The following PTPRZ1 variants were observed in gnomAD, a reference collection of about 807,000 sequenced individuals.
The protein encoded by PTPRZ1 is receptor-type tyrosine-protein phosphatase zeta.
Under a neutral mutation model 214.1 loss-of-function variants are expected in PTPRZ1, and 82 were observed. The observed-to-expected ratio is 0.38, with a 90% CI of 0.32 to 0.46. The LOEUF (loss-of-function observed/expected upper bound fraction) is 0.46. Among genes scored for constraint, PTPRZ1 ranks in the 20% least tolerant of loss-of-function variants. PTPRZ1 has a pLI of 1.00. For missense variants in PTPRZ1, 2,603 were observed against 2,748.7 expected (o/e 0.95, Z 1.19); for synonymous variants, 945 against 987.9 (o/e 0.96, Z 0.81).
Position 122,028,663 on chromosome 7 carries a change from C to T in PTPRZ1, c.5080+20C>T. On this transcript the variant is annotated intron_variant, in intron 14 of 29. Transcript: ENST00000393386. ...TTTCAGGTAATGGCTTAAAGTGTGA[C>T]CATGAGTAGCTGGTAGATGTTGAAC... The T allele has an allele frequency of 1.3e-6, 2 of 1,484,500 alleles. No homozygotes were observed. Among genetic ancestry groups the T allele is most frequent in the Non-Finnish European group, 1.9e-6 (2 of 1,064,054 alleles). 92.0% of individuals were successfully genotyped at this position (1,484,500 alleles called of 1,614,324 possible).
intron 1 of PTPRZ1, among the ~76,000 whole-genome samples, chr7:121,890,390 T>A (rs1794553051): frequency 6.6e-6 from 1 of 152,158 alleles, no homozygotes; most frequent in Non-Finnish European, 1.5e-5. Context: ...AATGTCAGTA[T>A]TGCTCCTGGG....
At position 122,012,239 on chromosome 7, in the gene PTPRZ1, C is replaced by G; in HGVS notation, c.3193C>G (p.Pro1065Ala). 1 of 1,613,940 alleles carries G rather than the reference C, an allele frequency of 6.2e-7. No individual in the cohort carries two copies. Among genetic ancestry groups the G allele is most frequent in the South Asian group, 1.1e-5 (1 of 91,080 alleles). ...QIPSFNEMVY[P>A]SESTVMPNMY... ...TCCTTCTTTCAATGAGATGGTTTAC[C>G]CTTCTGAAAGCACAGTCATGCCCAA... The change falls in exon 12 of 30, where the codon CCT (proline) becomes GCT (alanine). Residue 1065 changes from proline (P) to alanine (A), a missense_variant. Pro to Ala is a conservative substitution (Grantham distance 27). This residue lies in a region of PTPRZ1 where 1,913 missense variants were observed against 1,914.3 expected (regional missense o/e 1.00). Transcript: ENST00000393386.
At chr7:121,962,449 A>AAATAATAATAATAAT (rs144574732) in intron 2 of PTPRZ1, among the ~76,000 whole-genome samples, 41 of 148,466 alleles carry the variant, frequency 2.8e-4, no homozygotes, top group African/African-American at 9.3e-4. Flanking sequence ...CTCTGTCTCA[A>AAATAATAATAATAAT]AATAATAATA....
intron 1 of PTPRZ1, among the ~76,000 whole-genome samples, chr7:121,906,624 TAAG>T (rs1047798450): frequency 2.0e-4 from 30 of 152,116 alleles, no homozygotes; most frequent in Non-Finnish European, 4.4e-5. Flanking sequence ...TTTCCAAAAA[TAAG>T]ATTTGTTTGA....
chr7:121,885,609 T>C (rs919424303), intron 1 of PTPRZ1, among the ~76,000 whole-genome samples: 1 of 152,182 alleles, frequency 6.6e-6, no homozygotes, highest in African/African-American at 2.4e-5. Context: ...TATTCAGTAT[T>C]CTTGGCATAA....
intron 1 of PTPRZ1, among the ~76,000 whole-genome samples, chr7:121,920,825 G>C (rs1795576137): frequency 6.6e-6 from 1 of 152,088 alleles, no homozygotes; most frequent in Non-Finnish European, 1.5e-5. Context: ...AAAAAGTAGA[G>C]AATGCTTTAA....
At chr7:122,006,692 T>G (rs1798496094) in intron 11 of PTPRZ1, among the ~76,000 whole-genome samples, 1 of 151,806 alleles carries the variant, frequency 6.6e-6, no homozygotes, top group Non-Finnish European at 1.5e-5. Context: ...GCTGGCTTGT[T>G]GTAGTCAGAG....
At chr7:121,981,538 T>C (rs1238662728) in intron 6 of PTPRZ1, among the ~76,000 whole-genome samples, 2 of 152,198 alleles carry the variant, frequency 1.3e-5, no homozygotes, top group East Asian at 3.9e-4. Context: ...GGTAAGTAGA[T>C]TGCTGCCTAC....
chr7:121,887,324 A>C (rs553505227), intron 1 of PTPRZ1, among the ~76,000 whole-genome samples: 1 of 152,300 alleles, frequency 6.6e-6, no homozygotes, highest in African/African-American at 2.4e-5. Flanking sequence ...TTTCTGCCTA[A>C]TCAAATGTTA....
At position 122,023,515 on chromosome 7, in the gene PTPRZ1, A is replaced by T. The variant is rs1419776058; in HGVS notation, c.4988+4247A>T. Among the ~76,000 whole-genome samples the T allele has an allele frequency of 1.2e-4, 13 of 108,260 alleles. No homozygotes were observed. In the East Asian group the frequency reaches 2.0e-3, roughly 17 times the overall value. 71.0% of individuals were successfully genotyped at this position (108,260 alleles called of 152,430 possible). A position where few individuals can be genotyped will look rare whatever the true frequency, so the allele number is the denominator to read the frequency against. ...TATAATTATATATATGTATAATTTTATATATAATTATATATATATAATTTT... is the reference window on the plus strand; with the variant it reads ...TATAATTATATATATGTATAATTTTTTATATAATTATATATATATAATTTT... On this transcript the variant is annotated intron_variant, in intron 13 of 29. Coordinates refer to ENST00000393386, the MANE Select transcript of PTPRZ1 (RefSeq NM_002851.3).
intron 1 of PTPRZ1, among the ~76,000 whole-genome samples, chr7:121,906,480 C>A (rs557819474): frequency 3.1e-4 from 47 of 152,222 alleles, no homozygotes; most frequent in African/African-American, 8.2e-4. Context: ...TTGATTGTAT[C>A]AATTTGAGAT....
chr7:122,044,316 A>G (rs1215908983), intron 22 of PTPRZ1, 106 bp from the exon 23 acceptor site: 4 of 1,335,506 alleles, frequency 3.0e-6, no homozygotes, highest in South Asian at 2.7e-5. Context: ...GTCTTCCCCC[A>G]TTCTGTAAAA....
intron 1 of PTPRZ1, among the ~76,000 whole-genome samples, chr7:121,904,216 G>T (rs1203409300): frequency 6.6e-6 from 1 of 152,152 alleles, no homozygotes; most frequent in Non-Finnish European, 1.5e-5. Context: ...CCAAGTAGGG[G>T]AAAACAGAAT....
intron 13 of PTPRZ1, among the ~76,000 whole-genome samples, chr7:122,026,570 C>T (rs1173958583): frequency 6.6e-6 from 1 of 152,136 alleles, no homozygotes; most frequent in Admixed American, 6.6e-5. Flanking sequence ...CCTCATGTCT[C>T]TCATTCCTCA....
chr7:121,927,020 A>G lies in PTPRZ1; in HGVS notation c.59-1136A>G, dbSNP rs1009985612. 2.6e-5 allele frequency among the ~76,000 whole-genome samples: 4 copies of G among 152,336 alleles called. No individual in the cohort carries two copies. In the East Asian group the frequency reaches 5.8e-4, roughly 22 times the overall value. On this transcript the variant is annotated intron_variant, in intron 1 of 29. Transcript: ENST00000393386. The stretch of plus-strand genomic sequence containing the variant: ...TTTAGTTTTTATAAAATAGTAACTT[A>G]TTACCATGTTGTAATAATCAGATAG...
At chr7:121,982,717 C>T (rs140203600) in intron 6 of PTPRZ1, among the ~76,000 whole-genome samples, 3,701 of 152,104 alleles carry the variant, frequency 0.024, 72 homozygotes, top group Middle Eastern at 0.078. Flanking sequence ...TATTGATCTA[C>T]GTGCAGTGAC....
chr7:122,020,998 C>A (rs1236558894), intron 13 of PTPRZ1, among the ~76,000 whole-genome samples: 1 of 152,116 alleles, frequency 6.6e-6, no homozygotes, highest in Non-Finnish European at 1.5e-5. Context: ...TTACAGGTTT[C>A]TATCTAATCT....
intron 13 of PTPRZ1, among the ~76,000 whole-genome samples, chr7:122,023,700 A>G (rs1042405348): frequency 3.0e-5 from 4 of 132,216 alleles, no homozygotes; most frequent in African/African-American, 1.1e-4. Flanking sequence ...TTATATGTAT[A>G]ATTTTATATA....
intron 1 of PTPRZ1, among the ~76,000 whole-genome samples, chr7:121,874,818 C>G (rs995983217): frequency 6.6e-5 from 10 of 152,064 alleles, no homozygotes; most frequent in African/African-American, 2.2e-4. Flanking sequence ...ATTCTAAAAC[C>G]TTATAGTCAG....
Sources: gnomAD v4.1 joint callset for allele counts (sites outside exome capture counted in the v4.1 genomes callset) on GRCh38, gnomAD v4.1.1 for gene constraint, gnomAD v4.1.1 regional missense constraint, MANE v1.5 for transcripts, NCBI Gene and HGNC (gene_info 2026-07-23, HGNC 2026-07-21) for gene names.